NUP43: variants seen among roughly 807,000 people sequenced by gnomAD.
NUP43 encodes the protein nucleoporin 43.
A neutral mutation model predicts 47.3 loss-of-function variants in NUP43; 32 were observed. The ratio of observed to expected loss-of-function variants is 0.68; its 90% CI spans 0.51 to 0.91. The LOEUF (loss-of-function observed/expected upper bound fraction) is 0.91. Among genes scored for constraint, NUP43 ranks in the 40% least tolerant of loss-of-function variants. NUP43 has a pLI of 0.00. For synonymous variants in NUP43, 147 were observed against 158.4 expected (o/e 0.93, Z 0.54); for missense variants, 444 against 453.9 (o/e 0.98, Z 0.20).
rs958577563 is a variant in NUP43 at position 149,726,975 on chromosome 6, A to G, written c.1137T>C (p.Phe379=). 3 of 1,611,936 alleles carry G rather than the reference A, an allele frequency of 1.9e-6. No homozygotes were observed. Among genetic ancestry groups the G allele is most frequent in the Admixed American group, 3.3e-5 (2 of 59,982 alleles). The change falls in exon 8 of 8, where the codon TTT becomes TTC. Residue 379 remains phenylalanine, a synonymous_variant. Coordinates refer to ENST00000340413, the MANE Select transcript of NUP43 (RefSeq NM_198887.3). ...TCTTATAATTATAGTACTTCTACGA[A>G]AAAAGATGTCTAGTAACATAAATTG... ...AEAIYVTRHL[F]S is the part of the protein sequence containing the mutation.
At chr6:149,740,093 T>C (rs1206580587) in intron 4 of NUP43, among the ~76,000 whole-genome samples, 1 of 151,402 alleles carries the variant, frequency 6.6e-6, no homozygotes, top group Non-Finnish European at 1.5e-5. Context: ...GACACCAGCC[T>C]GGGCAACATG....
Position 149,746,030 on chromosome 6 carries a change from A to G in NUP43, c.153T>C (p.Asp51=), listed in dbSNP as rs756692993. Residue 51 remains aspartate (D), a synonymous_variant, in exon 2 of 8, where the codon GAT becomes GAC. Coordinates refer to ENST00000340413, the MANE Select transcript of NUP43 (RefSeq NM_198887.3). Reference sequence around the variant, plus strand: ...CTCCATCAGAGTCCAAGTTTCCAAAATCTCCAATAGACCACAGTGAAATAT... The same window carrying G: ...CTCCATCAGAGTCCAAGTTTCCAAAGTCTCCAATAGACCACAGTGAAATAT... ...ENYISLWSIG[D]FGNLDSDGGF... The G allele has an allele frequency of 1.9e-6, 3 of 1,613,868 alleles. No individual in the cohort carries two copies. In the East Asian group the frequency reaches 6.7e-5, roughly 36 times the overall value.
intron 6 of NUP43, among the ~76,000 whole-genome samples, chr6:149,735,096 T>C (rs1276763129): frequency 6.6e-6 from 1 of 152,104 alleles, no homozygotes. Context: ...GGGGTCTCAC[T>C]ATATTGTCCA....
chr6:149,727,755 A>T lies in NUP43; in HGVS notation c.914-557T>A, dbSNP rs1022589933. The T allele has an allele frequency of 3.9e-5, 38 of 983,788 alleles. 1 individual carries two copies. In the South Asian group the frequency reaches 1.6e-3, roughly 43 times the overall value. The allele number at this position is 983,788 out of a possible 1,614,324, so 60.9% of individuals were successfully genotyped here. A position where few individuals can be genotyped will look rare whatever the true frequency, so the allele number is the denominator to read the frequency against. ...AGATAAATGTTCTTACAAGCAGATT[A>T]GAACACTACTAGATTATAAGGTTTT... On this transcript the variant is annotated intron_variant, in intron 7 of 7. Coordinates refer to ENST00000340413, the MANE Select transcript of NUP43 (RefSeq NM_198887.3).
chr6:149,746,401 A>G lies in NUP43; in HGVS notation c.95T>C (p.Phe32Ser). 6.2e-7 allele frequency: 1 copy of G among 1,614,148 alleles called. No individual in the cohort carries two copies. The highest frequency in any genetic ancestry group is 8.5e-7 in the Non-Finnish European group (1 of 1,180,020). ...PPGSLQTAET[F>S]ATGSWDNEEN... is the part of the protein sequence containing the mutation. ...CTCATTGTCCCAAGATCCTGTAGCGAACGTCTCCGCGGTCTGTAAACTTCC... is the reference window on the plus strand; with the variant it reads ...CTCATTGTCCCAAGATCCTGTAGCGGACGTCTCCGCGGTCTGTAAACTTCC... The change falls in exon 1 of 8, where the codon TTC becomes TCC. Residue 32 changes from phenylalanine to serine, a missense_variant. Transcript: ENST00000340413.
At position 149,746,472 on chromosome 6, in the gene NUP43, A is replaced by C; in HGVS notation, c.24T>G (p.Phe8Leu). The change falls in exon 1 of 8, where the codon TTT becomes TTG. Residue 8 changes from phenylalanine (F) to leucine (L), a missense_variant. Physicochemically the swap from Phe to Leu is conservative, Grantham distance 22. Transcript: ENST00000340413. MEEIYAK[F>L]VSQKISKTRW... ...GGGTTTTGCTGATTTTCTGGGACACAAACTTCGCATAAATTTCCTCCATGC... is the reference window on the plus strand; with the variant it reads ...GGGTTTTGCTGATTTTCTGGGACACCAACTTCGCATAAATTTCCTCCATGC... 1 of 1,614,212 alleles carries C rather than the reference A, an allele frequency of 6.2e-7. No individual in the cohort carries two copies. Among genetic ancestry groups the C allele is most frequent in the Non-Finnish European group, 8.5e-7 (1 of 1,180,046 alleles).
At chr6:149,743,598 A>C (rs1582983414) in intron 3 of NUP43, 40 bp downstream of exon 3, 1 of 95,862 alleles carries the variant, frequency 1.0e-5, no homozygotes, top group East Asian at 2.9e-3. Context: ...ACTCCATTTC[A>C]AAAAAAAAAA....
At chr6:149,730,690 G>A (rs1310806031) in intron 7 of NUP43, among the ~76,000 whole-genome samples, 1 of 152,092 alleles carries the variant, frequency 6.6e-6, no homozygotes, top group Non-Finnish European at 1.5e-5. Context: ...CAATACCTCG[G>A]GAGGCCCAGG....
At chr6:149,742,348 G>A in intron 4 of NUP43, 42 bp downstream of exon 4, 1 of 1,581,320 alleles carries the variant, frequency 6.3e-7, no homozygotes, top group Admixed American at 1.7e-5. Flanking sequence ...TTTTAGAAGA[G>A]ACTAGGTTTC....
At chr6:149,731,865 AAATTAAAGGCTTCAG>A (rs1785062896) in intron 6 of NUP43, 130 bp from the exon 7 acceptor site, 3 of 884,854 alleles carry the variant, frequency 3.4e-6, no homozygotes, top group Non-Finnish European at 3.4e-6. Flanking sequence ...TCTGTCCTAA[AAATTAAAGGCTTCAG>A]AATTAAAGAA....
intron 7 of NUP43, among the ~76,000 whole-genome samples, chr6:149,729,816 G>C (rs891311503): frequency 3.3e-5 from 5 of 152,006 alleles, no homozygotes; most frequent in African/African-American, 4.8e-5. Context: ...CTAACACCTA[G>C]AAGAATGCCT....
chr6:149,730,284 C>T (rs1232380636), intron 7 of NUP43, among the ~76,000 whole-genome samples: 3 of 152,342 alleles, frequency 2.0e-5, no homozygotes, highest in South Asian at 4.1e-4. Context: ...GCTGGGATTA[C>T]AGGCATGAGC....
intron 7 of NUP43, among the ~76,000 whole-genome samples, chr6:149,730,505 C>T (rs1287384316): frequency 6.6e-6 from 1 of 152,220 alleles, no homozygotes; most frequent in Non-Finnish European, 1.5e-5. Flanking sequence ...TTCTAGCCAT[C>T]AGCCATACAG....
intron 6 of NUP43, among the ~76,000 whole-genome samples, chr6:149,732,705 G>A (rs915742440): frequency 2.6e-5 from 4 of 152,020 alleles, no homozygotes; most frequent in Middle Eastern, 3.4e-3. Context: ...AATTAGCCCG[G>A]CGTGGTGGCA....
intron 6 of NUP43, among the ~76,000 whole-genome samples, chr6:149,735,991 A>C (rs550878602): frequency 0.011 from 1,607 of 150,662 alleles, 38 homozygotes; most frequent in African/African-American, 0.038. Context: ...AAAAAAAAAA[A>C]AAAAAACCAG....
Position 149,742,446 on chromosome 6 carries a change from T to A in NUP43, c.446A>T (p.Glu149Val), listed in dbSNP as rs757193296. 1.2e-6 allele frequency: 2 copies of A among 1,614,184 alleles called. No individual in the cohort carries two copies. The highest frequency in any genetic ancestry group is 2.2e-5 in the South Asian group (2 of 91,082). The change falls in exon 4 of 8, where the codon GAG becomes GTG. Residue 149 changes from glutamate to valine, a missense_variant. Transcript: ENST00000340413. Reference sequence around the variant, plus strand: ...TCTGAAGAGATTTATTCGACCATCCTCTCCAACTGTAACGATTTCTGGGTT... The same window carrying A: ...TCTGAAGAGATTTATTCGACCATCCACTCCAACTGTAACGATTTCTGGGTT... The part of the protein sequence containing the change: ...CNNPEIVTVG[E>V]DGRINLFRAD...
chr6:149,736,350 C>G (rs774022423), intron 6 of NUP43, 121 bp downstream of exon 6: 40 of 585,536 alleles, frequency 6.8e-5, no homozygotes, highest in Non-Finnish European at 1.1e-4. Flanking sequence ...TTTAAATTTA[C>G]ACAATTCAGC....
intron 6 of NUP43, among the ~76,000 whole-genome samples, chr6:149,735,653 C>T (rs1457507541): frequency 7.1e-6 from 1 of 140,098 alleles, no homozygotes; most frequent in Non-Finnish European, 1.5e-5. Context: ...AGGATTCTAA[C>T]TACAGTTTTG....
intron 7 of NUP43, chr6:149,728,332 A>C (rs889814177): frequency 1.0e-6 from 1 of 985,266 alleles, no homozygotes. Context: ...TTGCAAGTTC[A>C]AGACTGTGCG....
Sources: allele counts gnomAD v4.1 joint callset (sites outside exome capture counted in the v4.1 genomes callset), GRCh38; gene constraint gnomAD v4.1.1; transcripts MANE v1.5; gene names NCBI Gene and HGNC (gene_info 2026-07-23, HGNC 2026-07-21).